RYR3: variants seen among roughly 807,000 people sequenced by gnomAD.
RYR3 encodes the protein ryanodine receptor 3.
RYR3 carries 207 observed loss-of-function variants against 584.3 expected under a neutral mutation model. The ratio of observed to expected loss-of-function variants is 0.35; its 90% CI spans 0.32 to 0.40. The LOEUF (loss-of-function observed/expected upper bound fraction) is 0.40, where lower values mean the gene tolerates loss of function less well. Among genes scored for constraint, RYR3 ranks in the 10% least tolerant of loss-of-function variants. The pLI, the probability that RYR3 is intolerant of heterozygous loss-of-function variation, is 1.00. For synonymous variants in RYR3, 2,416 were observed against 2,248.5 expected, an observed-to-expected ratio of 1.07 and a Z score of -2.11; for missense variants, 5,616 against 6,089.2, an observed-to-expected ratio of 0.92 and a Z score of 2.59.
chr15:33,553,841 A>T (rs2056868145), intron 10 of RYR3, among the ~76,000 whole-genome samples: 2 of 152,120 alleles, frequency 1.3e-5, no homozygotes, highest in African/African-American at 4.8e-5. Flanking sequence ...ATCAATTTGC[A>T]CCTCATTTGA....
intron 3 of RYR3, among the ~76,000 whole-genome samples, chr15:33,529,539 G>T (rs1259161135): frequency 2.0e-5 from 3 of 152,150 alleles, no homozygotes; most frequent in Non-Finnish European, 4.4e-5. Flanking sequence ...GACTGCATAA[G>T]AGGTGTCCTT....
At chr15:33,826,004 G>A (rs576095309) in intron 82 of RYR3, among the ~76,000 whole-genome samples, 20 of 152,056 alleles carry the variant, frequency 1.3e-4, no homozygotes, top group Non-Finnish European at 1.5e-5. Flanking sequence ...CATAGTGCTG[G>A]AATTACAGGC....
At chr15:33,634,949 T>C (rs1194656167) in intron 25 of RYR3, among the ~76,000 whole-genome samples, 3 of 152,196 alleles carry the variant, frequency 2.0e-5, no homozygotes, top group Non-Finnish European at 4.4e-5. Context: ...CAATGAACAC[T>C]TCTATGACTT....
intron 67 of RYR3, among the ~76,000 whole-genome samples, chr15:33,791,436 G>C (rs553165358): frequency 6.6e-6 from 1 of 152,210 alleles, no homozygotes; most frequent in African/African-American, 2.4e-5. Flanking sequence ...GTCCTTTTCT[G>C]ATTGCTTTTA....
intron 1 of RYR3, among the ~76,000 whole-genome samples, chr15:33,464,503 T>TATATATATATATATATATACACAC (rs1180164194): frequency 9.4e-6 from 1 of 105,942 alleles, no homozygotes; most frequent in Admixed American, 9.7e-5. Context: ...CATATATATA[T>TATATATATATATATATATACACAC]ACATACACAT....
chr15:33,766,097 A>G (rs935422365), intron 60 of RYR3, among the ~76,000 whole-genome samples: 1 of 152,000 alleles, frequency 6.6e-6, no homozygotes, highest in African/African-American at 2.4e-5. Flanking sequence ...CCTGGCCAAC[A>G]TGGCAAAACC....
intron 3 of RYR3, among the ~76,000 whole-genome samples, chr15:33,519,625 G>T (rs904700580): frequency 9.6e-5 from 14 of 146,356 alleles, no homozygotes; most frequent in Admixed American, 8.9e-4. Context: ...CTTTTATGTT[G>T]TTTTTTTTTT....
intron 12 of RYR3, 60 bp from the exon 13 acceptor site, chr15:33,579,916 T>A (rs2058506229): frequency 1.4e-6 from 2 of 1,383,308 alleles, no homozygotes; most frequent in Non-Finnish European, 2.0e-6. Context: ...ACCCAGTGGG[T>A]GTTCATCAGG....
intron 15 of RYR3, among the ~76,000 whole-genome samples, chr15:33,585,174 G>A (rs1428793984): frequency 6.6e-6 from 1 of 152,076 alleles, no homozygotes; most frequent in Non-Finnish European, 1.5e-5. Context: ...TAACAGACCG[G>A]CCAAGAGAGG....
intron 16 of RYR3, among the ~76,000 whole-genome samples, chr15:33,595,055 A>T (rs2059303694): frequency 6.6e-6 from 1 of 151,954 alleles, no homozygotes; most frequent in African/African-American, 2.4e-5. Context: ...TAGGGAACCT[A>T]ATGTCTTAAA....
intron 42 of RYR3, among the ~76,000 whole-genome samples, chr15:33,704,007 C>T (rs140369584): frequency 3.0e-4 from 45 of 152,240 alleles, no homozygotes; most frequent in African/African-American, 9.9e-4. Context: ...TGGTGGCTCA[C>T]GCCTGTAATC....
intron 36 of RYR3, among the ~76,000 whole-genome samples, chr15:33,664,099 C>T (rs2063323517): frequency 6.6e-6 from 1 of 152,136 alleles, no homozygotes; most frequent in Admixed American, 6.5e-5. Context: ...GAAGTCACTA[C>T]CTGTCTATCA....
At chr15:33,492,103 C>T (rs2051011072) in intron 2 of RYR3, among the ~76,000 whole-genome samples, 1 of 152,290 alleles carries the variant, frequency 6.6e-6, no homozygotes, top group Non-Finnish European at 1.5e-5. Flanking sequence ...TTAACTCCTG[C>T]AGGATCTGAC....
intron 60 of RYR3, among the ~76,000 whole-genome samples, chr15:33,760,423 T>C (rs898206976): frequency 4.0e-5 from 6 of 150,996 alleles, no homozygotes; most frequent in African/African-American, 1.2e-4. Flanking sequence ...ACCAAGCAAA[T>C]GGAAAGCAAA....
At chr15:33,564,258 T>G (rs535532671) in intron 11 of RYR3, among the ~76,000 whole-genome samples, 2 of 152,284 alleles carry the variant, frequency 1.3e-5, no homozygotes, top group African/African-American at 4.8e-5. Context: ...TACATGCCGT[T>G]TCCTCTAGAA....
intron 16 of RYR3, among the ~76,000 whole-genome samples, chr15:33,598,912 A>G (rs1300963688): frequency 6.6e-6 from 1 of 152,124 alleles, no homozygotes; most frequent in Non-Finnish European, 1.5e-5. Flanking sequence ...AAAATTAGCC[A>G]GGCGTGGTGG....
intron 57 of RYR3, among the ~76,000 whole-genome samples, chr15:33,753,553 A>C (rs2071530382): frequency 6.6e-6 from 1 of 152,186 alleles, no homozygotes; most frequent in East Asian, 1.9e-4. Context: ...CGGTGTTTTT[A>C]TTCCGATATA....
At chr15:33,760,720 G>A (rs932448254) in intron 60 of RYR3, among the ~76,000 whole-genome samples, 10 of 152,140 alleles carry the variant, frequency 6.6e-5, no homozygotes, top group Non-Finnish European at 1.5e-4. Flanking sequence ...GGATATGCAG[G>A]ACATGAACTC....
chr15:33,705,387 A>G (rs1425004030), intron 42 of RYR3, among the ~76,000 whole-genome samples: 3 of 152,200 alleles, frequency 2.0e-5, no homozygotes, highest in East Asian at 3.8e-4. Flanking sequence ...TTCATTGAAC[A>G]AACATTTATT....
Sources: gnomAD v4.1 joint callset for allele counts (sites outside exome capture counted in the v4.1 genomes callset) on GRCh38, gnomAD v4.1.1 for gene constraint, MANE v1.5 for transcripts, NCBI Gene and HGNC (gene_info 2026-07-23, HGNC 2026-07-21) for gene names.